The following CADM2 variants were observed in gnomAD, a reference collection of about 807,000 sequenced individuals.
The protein encoded by CADM2 is immunoglobulin superfamily member 4D.
Under a neutral mutation model 49.8 loss-of-function variants are expected in CADM2, and 12 were observed. The ratio of observed to expected loss-of-function variants is 0.24; its 90% CI spans 0.15 to 0.39. CADM2 has a LOEUF of 0.39. Among genes scored for constraint, CADM2 ranks in the 10% least tolerant of loss-of-function variants. CADM2 has a pLI of 1.00. For synonymous variants in CADM2, 214 were observed against 175.4 expected (o/e 1.22, Z -1.74); for missense variants, 378 against 492.3 (o/e 0.77, Z 2.20).
At chr3:85,463,695 A>C (rs1245826753) in intron 1 of CADM2, among the ~76,000 whole-genome samples, 1 of 152,144 alleles carries the variant, frequency 6.6e-6, no homozygotes, top group Non-Finnish European at 1.5e-5. Context: ...ATATGTAAAC[A>C]ATTTGCTTTA....
chr3:85,982,363 G>T (rs914675299), intron 8 of CADM2, among the ~76,000 whole-genome samples: 1 of 151,232 alleles, frequency 6.6e-6, no homozygotes, highest in Non-Finnish European at 1.5e-5. Context: ...AAAAAGATAT[G>T]AACAAAAACC....
intron 3 of CADM2, among the ~76,000 whole-genome samples, chr3:85,860,206 A>T (rs748124472): frequency 3.5e-4 from 54 of 152,170 alleles, no homozygotes; most frequent in Non-Finnish European, 6.6e-4. Context: ...CCATTCATTC[A>T]TTCAAAAATA....
intron 3 of CADM2, among the ~76,000 whole-genome samples, chr3:85,839,688 G>GA (rs752843839): frequency 6.6e-6 from 1 of 151,788 alleles, no homozygotes; most frequent in East Asian, 1.9e-4. Flanking sequence ...TTGCAAATAT[G>GA]AAAGTCAGGG....
chr3:85,414,005 T>C (rs1446731899), intron 1 of CADM2, among the ~76,000 whole-genome samples: 6 of 152,050 alleles, frequency 3.9e-5, no homozygotes, highest in Middle Eastern at 3.2e-3. Flanking sequence ...GCTGGGATTA[T>C]AGGCCTGTGC....
At chr3:85,656,563 C>T (rs1350282790) in intron 1 of CADM2, among the ~76,000 whole-genome samples, 4 of 152,124 alleles carry the variant, frequency 2.6e-5, no homozygotes, top group Non-Finnish European at 5.9e-5. Context: ...TTGCAGTTAG[C>T]TGAGATTGCA....
intron 7 of CADM2, among the ~76,000 whole-genome samples, chr3:85,939,336 A>G (rs1721552718): frequency 6.6e-6 from 1 of 152,026 alleles, no homozygotes; most frequent in Admixed American, 6.6e-5. Context: ...ATTTTAGTTT[A>G]AAGTGAGGAC....
intron 1 of CADM2, among the ~76,000 whole-genome samples, chr3:85,552,366 G>GTGTTTTTTTTTTT (rs2061828186): frequency 9.1e-5 from 8 of 87,588 alleles, no homozygotes; most frequent in African/African-American, 2.8e-4. Context: ...ACTTTGAAAA[G>GTGTTTTTTTTTTT]TTTTTTTTTT....
intron 1 of CADM2, among the ~76,000 whole-genome samples, chr3:85,322,401 T>G (rs967671098): frequency 6.6e-6 from 1 of 152,148 alleles, no homozygotes; most frequent in African/African-American, 2.4e-5. Context: ...ACATGTCTCA[T>G]GCAGAGGAAT....
At chr3:85,128,008 A>C (rs1229125019) in intron 1 of CADM2, among the ~76,000 whole-genome samples, 1 of 152,198 alleles carries the variant, frequency 6.6e-6, no homozygotes, top group Non-Finnish European at 1.5e-5. Context: ...GCCCCATTTC[A>C]AGTCCTCAAG....
chr3:85,451,551 T>C (rs1042497696), intron 1 of CADM2, among the ~76,000 whole-genome samples: 3 of 152,100 alleles, frequency 2.0e-5, no homozygotes, highest in African/African-American at 7.2e-5. Context: ...GATATTGGGA[T>C]TGCAGACCCA....
chr3:85,308,555 G>A (rs979455152), intron 1 of CADM2, among the ~76,000 whole-genome samples: 1 of 151,836 alleles, frequency 6.6e-6, no homozygotes, highest in Non-Finnish European at 1.5e-5. Flanking sequence ...TTGATTCATC[G>A]TTAAATTCTA....
At chr3:85,926,133 C>T (rs1469739115) in intron 6 of CADM2, among the ~76,000 whole-genome samples, 1 of 109,552 alleles carries the variant, frequency 9.1e-6, no homozygotes, top group Non-Finnish European at 1.9e-5. Flanking sequence ...GAGGCTCTGT[C>T]TCAAAAATAA....
intron 6 of CADM2, among the ~76,000 whole-genome samples, chr3:85,923,716 C>G (rs892256675): frequency 1.3e-5 from 2 of 152,048 alleles, no homozygotes; most frequent in African/African-American, 4.8e-5. Context: ...AACCTTCTAC[C>G]CCAGCATTGT....
At chr3:85,195,335 A>G (rs1402716202) in intron 1 of CADM2, among the ~76,000 whole-genome samples, 2 of 151,994 alleles carry the variant, frequency 1.3e-5, no homozygotes, top group Non-Finnish European at 2.9e-5. Context: ...TGCGTTTTCT[A>G]TCTTTCTGGG....
chr3:86,037,600 T>G (rs1419937538), intron 8 of CADM2, among the ~76,000 whole-genome samples: 3 of 152,116 alleles, frequency 2.0e-5, no homozygotes, highest in Admixed American at 1.3e-4. Context: ...CTATAACATA[T>G]GAGCACACCT....
chr3:85,237,524 T>C (rs2042434055), intron 1 of CADM2, among the ~76,000 whole-genome samples: 2 of 151,334 alleles, frequency 1.3e-5, no homozygotes, highest in Non-Finnish European at 3.0e-5. Flanking sequence ...TATAATTATA[T>C]AACTAACATA....
At chr3:85,637,788 C>T (rs1230639768) in intron 1 of CADM2, among the ~76,000 whole-genome samples, 1 of 151,928 alleles carries the variant, frequency 6.6e-6, no homozygotes, top group Non-Finnish European at 1.5e-5. Context: ...TTTCAAAACC[C>T]ATAATGTCCC....
intron 3 of CADM2, among the ~76,000 whole-genome samples, chr3:85,818,077 A>T (rs759704731): frequency 6.6e-6 from 1 of 152,152 alleles, no homozygotes; most frequent in African/African-American, 2.4e-5. Flanking sequence ...TGTTGTGGGC[A>T]AATACCTGAA....
intron 1 of CADM2, among the ~76,000 whole-genome samples, chr3:85,137,315 A>G (rs1451254677): frequency 7.2e-5 from 11 of 152,000 alleles, no homozygotes; most frequent in African/African-American, 2.2e-4. Context: ...CAATCCCAGG[A>G]CTTTTACTTT....
Sources: allele counts gnomAD v4.1 joint callset (sites outside exome capture counted in the v4.1 genomes callset), GRCh38; gene constraint gnomAD v4.1.1; transcripts MANE v1.5; gene names NCBI Gene and HGNC (gene_info 2026-07-23, HGNC 2026-07-21).